Variants in MED13L observed in about 807,000 individuals in gnomAD.
The protein encoded by MED13L is mediator complex subunit 13L.
In MED13L, 7 loss-of-function variants were observed where a neutral mutation model predicts 220.9. That is an observed-to-expected ratio of 0.03 (90% CI 0.02 to 0.06). The LOEUF (loss-of-function observed/expected upper bound fraction) is 0.06, where lower values mean the gene tolerates loss of function less well. MED13L is among the 10% of genes least tolerant of loss of function. The pLI, the probability that MED13L is intolerant of heterozygous loss-of-function variation, is 1.00. For missense variants in MED13L, 1,965 were observed against 2,760.5 expected (o/e 0.71, Z 6.46); for synonymous variants, 1,011 against 1,015.2 (o/e 1.00, Z 0.08).
intron 2 of MED13L, among the ~76,000 whole-genome samples, chr12:116,212,895 G>T (rs1412364395): frequency 1.3e-5 from 2 of 152,104 alleles, no homozygotes; most frequent in African/African-American, 4.8e-5. Flanking sequence ...AGAAAGTGGA[G>T]AGTTAATGCT....
intron 2 of MED13L, among the ~76,000 whole-genome samples, chr12:116,192,705 C>G (rs1881360454): frequency 6.6e-6 from 1 of 152,122 alleles, no homozygotes; most frequent in African/African-American, 2.4e-5. Context: ...AAAAACAACC[C>G]TGACCCTTAT....
intron 2 of MED13L, among the ~76,000 whole-genome samples, chr12:116,197,485 G>C (rs1183947062): frequency 6.6e-6 from 1 of 152,038 alleles, no homozygotes; most frequent in Non-Finnish European, 1.5e-5. Context: ...GCAGTTACTT[G>C]GCCAGGCGTG....
At chr12:116,011,766 T>C (rs1443711823) in intron 9 of MED13L, among the ~76,000 whole-genome samples, 1 of 152,210 alleles carries the variant, frequency 6.6e-6, no homozygotes, top group African/African-American at 2.4e-5. Flanking sequence ...ATGAGTTTCA[T>C]TAGGCTTATC....
rs3741768 is a variant in MED13L, at chr12:116,008,640, C to T, written c.1773G>A (p.Gln591=). 276,599 of 1,613,880 alleles carry T rather than the reference C, an allele frequency of 0.17. 24,634 individuals are homozygous for T. Among genetic ancestry groups the T allele is most frequent in the Middle Eastern group, 0.2 (1,229 of 6,058 alleles). Residue 591 remains glutamine, a synonymous_variant, in exon 10 of 31, where the codon CAG becomes CAA. Coordinates refer to ENST00000281928, the MANE Select transcript of MED13L (RefSeq NM_015335.5). Reference sequence around the variant, plus strand: ...CAGTTCTGTCATCCAGAGTAGACAACTGCTGGAGTTCTAGTCCATTTCCAT... The same window carrying T: ...CAGTTCTGTCATCCAGAGTAGACAATTGCTGGAGTTCTAGTCCATTTCCAT... ...ALYGNGLELQ[Q]LSTLDDRTVL... is the part of the protein sequence containing the mutation.
chr12:116,019,108 C>T, intron 7 of MED13L, 116 bp downstream of exon 7: 1 of 1,000,386 alleles, frequency 1.0e-6, no homozygotes, highest in East Asian at 2.6e-5. Context: ...TTACGTTACT[C>T]TACTACCTCC....
chr12:116,104,244 A>C (rs1356299178), intron 3 of MED13L, among the ~76,000 whole-genome samples: 1 of 152,010 alleles, frequency 6.6e-6, no homozygotes, highest in Admixed American at 6.6e-5. Context: ...TCCTGACCTC[A>C]GGTGATCCAC....
chr12:116,184,823 A>G (rs1023880589), intron 2 of MED13L, among the ~76,000 whole-genome samples: 2 of 152,202 alleles, frequency 1.3e-5, no homozygotes, highest in African/African-American at 4.8e-5. Flanking sequence ...CATTTCTATT[A>G]AAGTTTCAAT....
chr12:115,970,577 A>C lies in MED13L; in HGVS notation c.6067+17T>G. The C allele has an allele frequency of 1.2e-6, 2 of 1,611,934 alleles. No individual in the cohort carries two copies. Among genetic ancestry groups the C allele is most frequent in the Non-Finnish European group, 1.7e-6 (2 of 1,178,278 alleles). On this transcript the variant is annotated intron_variant, in intron 27 of 30. Coordinates refer to ENST00000281928, the MANE Select transcript of MED13L (RefSeq NM_015335.5). ...CTGCATGAAGGTGAGCACTATCCAT[A>C]CAGGTCTTCTACTCACCATTGTTGG...
intron 2 of MED13L, among the ~76,000 whole-genome samples, chr12:116,233,450 T>G (rs879480960): frequency 6.6e-5 from 10 of 152,162 alleles, no homozygotes; most frequent in Non-Finnish European, 1.3e-4. Flanking sequence ...CCTCAAAATC[T>G]ATCAAATTAA....
At chr12:116,120,981 C>T (rs954844968) in intron 2 of MED13L, among the ~76,000 whole-genome samples, 1 of 152,128 alleles carries the variant, frequency 6.6e-6, no homozygotes, top group African/African-American at 2.4e-5. Flanking sequence ...CATTCTCCTG[C>T]TGTTATTTTG....
chr12:116,269,864 G>C (rs900012480), intron 1 of MED13L, among the ~76,000 whole-genome samples: 2 of 151,402 alleles, frequency 1.3e-5, no homozygotes, highest in African/African-American at 4.9e-5. Flanking sequence ...CCAGAGTATG[G>C]AAATGCCAAT....
At chr12:116,027,161 G>A (rs539901985) in intron 4 of MED13L, among the ~76,000 whole-genome samples, 27 of 152,236 alleles carry the variant, frequency 1.8e-4, no homozygotes, top group Non-Finnish European at 3.5e-4. Context: ...GGTGGCTCAC[G>A]CCTGTAATCC....
At chr12:116,102,707 T>TTCC (rs1873185662) in intron 3 of MED13L, among the ~76,000 whole-genome samples, 5 of 88,884 alleles carry the variant, frequency 5.6e-5, no homozygotes, top group African/African-American at 2.0e-4. Flanking sequence ...CTTTTTCTTT[T>TTCC]TTCTTTTTTT....
intron 1 of MED13L, among the ~76,000 whole-genome samples, chr12:116,238,817 C>T (rs955369568): frequency 1.3e-5 from 2 of 152,186 alleles, no homozygotes; most frequent in African/African-American, 4.8e-5. Context: ...TTGCTTCAGG[C>T]TGAGCACGGT....
chr12:116,187,170 A>G (rs1279394844), intron 2 of MED13L, among the ~76,000 whole-genome samples: 1 of 152,216 alleles, frequency 6.6e-6, no homozygotes, highest in Admixed American at 6.5e-5. Context: ...TATCATAGCT[A>G]TAATGTGGGC....
In MED13L at chr12:115,974,080, A is replaced by G. The variant is rs78329548; in HGVS notation, c.5731+1091T>C. ...TACATGGTCTAATGCAGGGACCAGC[A>G]AACTATGATCCACAGGCCAAATCCT... is the stretch of plus-strand genomic sequence containing the variant. On this transcript the variant is annotated intron_variant, in intron 25 of 30. Transcript: ENST00000281928. Among the ~76,000 whole-genome samples, 397 of 152,254 alleles carry G rather than the reference A, an allele frequency of 2.6e-3. 3 individuals carry two copies. Among genetic ancestry groups the G allele is most frequent in the African/African-American group, 9.2e-3 (382 of 41,566 alleles).
At chr12:115,975,846 T>C in intron 23 of MED13L, 108 bp from the exon 24 acceptor site, 2 of 994,752 alleles carry the variant, frequency 2.0e-6, no homozygotes, top group South Asian at 2.8e-5. Context: ...TGGTAGTAAA[T>C]CGTTTCTCTC....
At chr12:116,269,466 CAA>C (rs34100053) in intron 1 of MED13L, among the ~76,000 whole-genome samples, 99 of 69,138 alleles carry the variant, frequency 1.4e-3, no homozygotes, top group African/African-American at 3.4e-3. Flanking sequence ...TTAAACTATG[CAA>C]AAAAAAAAAA....
chr12:116,204,064 G>A (rs1436144360), intron 2 of MED13L, among the ~76,000 whole-genome samples: 1 of 152,192 alleles, frequency 6.6e-6, no homozygotes, highest in Non-Finnish European at 1.5e-5. Flanking sequence ...TGAAATGCCA[G>A]TGGTGGGCAT....
Sources: gnomAD v4.1 joint callset for allele counts (sites outside exome capture counted in the v4.1 genomes callset) on GRCh38, gnomAD v4.1.1 for gene constraint, MANE v1.5 for transcripts, NCBI Gene and HGNC (gene_info 2026-07-23, HGNC 2026-07-21) for gene names.